Variants in AHI1 observed in about 807,000 individuals in gnomAD.
AHI1 encodes the protein jouberin.
AHI1 carries 123 observed loss-of-function variants against 149.3 expected under a neutral mutation model. That is an observed-to-expected ratio of 0.82 (90% CI 0.71 to 0.96). The LOEUF (loss-of-function observed/expected upper bound fraction) is 0.96, where lower values mean the gene tolerates loss of function less well. Among genes scored for constraint, AHI1 ranks in the 40% least tolerant of loss-of-function variants. The pLI is 0.00. For synonymous variants in AHI1, 475 were observed against 459.8 expected (o/e 1.03, Z -0.42); for missense variants, 1,439 against 1,422.7 (o/e 1.01, Z -0.18).
intron 25 of AHI1, among the ~76,000 whole-genome samples, chr6:135,319,631 C>T (rs527509513): frequency 9.2e-5 from 14 of 152,120 alleles, no homozygotes; most frequent in Non-Finnish European, 1.3e-4. Flanking sequence ...GGTATTGAAT[C>T]TAAAGAGCTA....
At chr6:135,311,074 C>T (rs1278335367) in intron 26 of AHI1, among the ~76,000 whole-genome samples, 4 of 151,724 alleles carry the variant, frequency 2.6e-5, no homozygotes, top group African/African-American at 7.3e-5. Flanking sequence ...GGCTGAGGCG[C>T]GCAGATCACT....
chr6:135,456,235 A>T (rs1341238651), intron 9 of AHI1, among the ~76,000 whole-genome samples: 2 of 152,210 alleles, frequency 1.3e-5, no homozygotes, highest in Admixed American at 1.3e-4. Context: ...AGAATTTTGT[A>T]AGAGTTTATA....
intron 27 of AHI1, among the ~76,000 whole-genome samples, chr6:135,293,044 T>C (rs958035715): frequency 6.6e-6 from 1 of 152,168 alleles, no homozygotes; most frequent in Non-Finnish European, 1.5e-5. Context: ...ATAAAAAGGA[T>C]AACACACCAC....
chr6:135,348,842 G>A (rs75433283), intron 24 of AHI1, among the ~76,000 whole-genome samples: 21 of 152,214 alleles, frequency 1.4e-4, no homozygotes, highest in Admixed American at 1.2e-3. Context: ...GCTAATGGCC[G>A]AGAGATTACT....
intron 22 of AHI1, among the ~76,000 whole-genome samples, chr6:135,403,694 G>T (rs1018775285): frequency 2.6e-5 from 4 of 152,116 alleles, no homozygotes; most frequent in Middle Eastern, 3.2e-3. Context: ...ACTTCAGAAG[G>T]TTTAGTAATC....
intron 24 of AHI1, among the ~76,000 whole-genome samples, chr6:135,332,778 T>G (rs1238157456): frequency 2.0e-5 from 3 of 152,230 alleles, no homozygotes; most frequent in Admixed American, 2.0e-4. Context: ...CTTTTCCTGA[T>G]ATACAAGGAA....
intron 24 of AHI1, among the ~76,000 whole-genome samples, chr6:135,346,910 A>G (rs1216826771): frequency 1.3e-5 from 2 of 152,128 alleles, no homozygotes; most frequent in Non-Finnish European, 2.9e-5. Flanking sequence ...ACCAAACCCC[A>G]AGATCCCCTT....
chr6:135,372,518 GA>G (rs61208164), intron 23 of AHI1, among the ~76,000 whole-genome samples: 71,188 of 136,176 alleles, frequency 0.52, 17,822 homozygotes, highest in Middle Eastern at 0.65. Flanking sequence ...GAAAAAAAAA[GA>G]AAAAAAAAAA....
intron 23 of AHI1, among the ~76,000 whole-genome samples, chr6:135,379,488 TATGAGGCC>T (rs1436320071): frequency 6.6e-6 from 1 of 152,242 alleles, no homozygotes; most frequent in Non-Finnish European, 1.5e-5. Flanking sequence ...CTGTCTTCTC[TATGAGGCC>T]TTATTGTCTT....
At chr6:135,313,703 G>A (rs1785525378) in intron 26 of AHI1, among the ~76,000 whole-genome samples, 1 of 152,186 alleles carries the variant, frequency 6.6e-6, no homozygotes, top group African/African-American at 2.4e-5. Context: ...CACAGGCAGT[G>A]AGAACTGGGA....
At chr6:135,389,546 T>C (rs1778160097) in intron 23 of AHI1, among the ~76,000 whole-genome samples, 1 of 152,110 alleles carries the variant, frequency 6.6e-6, no homozygotes, top group South Asian at 2.1e-4. Flanking sequence ...ACAAATAAAA[T>C]TTGGAGAAGG....
rs1562425779 is a variant in AHI1, at chr6:135,283,650, C to G, written c.*1995G>C. 6.6e-6 allele frequency: 1 copy of G among 152,156 alleles called. No homozygotes were observed. 9.4% of individuals were successfully genotyped at this position (152,156 alleles called of 1,614,324 possible). A position where few individuals can be genotyped will look rare whatever the true frequency, so the allele number is the denominator to read the frequency against. ...GGGCACTGTCATGATCTCCCCCACC[C>G]CATCTCATCTCAGATTGTGTGGTAA... is the stretch of plus-strand genomic sequence containing the variant. On this transcript the variant is annotated 3_prime_UTR_variant, in exon 29 of 29. Coordinates refer to ENST00000265602, the MANE Select transcript of AHI1 (RefSeq NM_001134831.2).
chr6:135,345,173 AGTAAC>A (rs1791008184), intron 24 of AHI1, among the ~76,000 whole-genome samples: 1 of 152,200 alleles, frequency 6.6e-6, no homozygotes, highest in Admixed American at 6.6e-5. Context: ...ATACAAAATC[AGTAAC>A]AAGTTACGAT....
chr6:135,363,028 AATTTT>A (rs1244665590), intron 23 of AHI1, among the ~76,000 whole-genome samples: 163 of 149,160 alleles, frequency 1.1e-3, no homozygotes, highest in African/African-American at 3.3e-3. Flanking sequence ...CTTTTTTTTA[AATTTT>A]ATTTTATTTT....
At chr6:135,463,098 A>T in intron 8 of AHI1, 27 bp downstream of exon 8, 7 of 1,537,632 alleles carry the variant, frequency 4.6e-6, no homozygotes, top group Non-Finnish European at 6.1e-6. Flanking sequence ...AACATACACA[A>T]TTTTTCATTT....
intron 3 of AHI1, among the ~76,000 whole-genome samples, chr6:135,494,029 T>A (rs867968113): frequency 5.3e-5 from 8 of 152,176 alleles, no homozygotes; most frequent in Admixed American, 1.3e-4. Context: ...TGGAGTGAGG[T>A]AATATTTTAG....
chr6:135,296,360 T>C (rs933991401), intron 27 of AHI1, among the ~76,000 whole-genome samples: 1 of 152,192 alleles, frequency 6.6e-6, no homozygotes, highest in African/African-American at 2.4e-5. Flanking sequence ...ATCTTAAATG[T>C]CAGAGGGATT....
chr6:135,286,767 A>T (rs1781736468), intron 28 of AHI1, among the ~76,000 whole-genome samples: 1 of 152,236 alleles, frequency 6.6e-6, no homozygotes, highest in South Asian at 2.1e-4. Context: ...ACTCCAGGTA[A>T]GCTTGTATCA....
chr6:135,471,167 T>A (rs1340846675), intron 5 of AHI1, among the ~76,000 whole-genome samples: 1 of 152,178 alleles, frequency 6.6e-6, no homozygotes, highest in Admixed American at 6.5e-5. Context: ...AGATTTATGG[T>A]CTCAAGGAAA....
Sources: allele counts gnomAD v4.1 joint callset (sites outside exome capture counted in the v4.1 genomes callset), GRCh38; gene constraint gnomAD v4.1.1; transcripts MANE v1.5; gene names NCBI Gene and HGNC (gene_info 2026-07-23, HGNC 2026-07-21).